The following ANKRD28 variants were observed in gnomAD, a reference collection of about 807,000 sequenced individuals.
The protein encoded by ANKRD28 is serine/threonine-protein phosphatase 6 regulatory ankyrin repeat subunit A.
A neutral mutation model predicts 126.5 loss-of-function variants in ANKRD28; 44 were observed. That is an observed-to-expected ratio of 0.35 (90% CI 0.27 to 0.45). The LOEUF (loss-of-function observed/expected upper bound fraction) is 0.45. ANKRD28 is among the 20% of genes least tolerant of loss of function. The pLI is 1.00. For synonymous variants in ANKRD28, 442 were observed against 468.5 expected, an observed-to-expected ratio of 0.94 and a Z score of 0.73; for missense variants, 1,110 against 1,316.6, an observed-to-expected ratio of 0.84 and a Z score of 2.43.
chr3:15,768,875 C>T (rs2058870239), intron 2 of ANKRD28, among the ~76,000 whole-genome samples: 1 of 152,048 alleles, frequency 6.6e-6, no homozygotes, highest in South Asian at 2.1e-4. Flanking sequence ...GTTTTTTATT[C>T]CAACATATAC....
chr3:15,785,994 T>C lies in ANKRD28; in HGVS notation c.201+9229A>G, dbSNP rs945456542. Among the ~76,000 whole-genome samples the C allele has an allele frequency of 6.6e-5, 10 of 151,764 alleles. 1 individual carries two copies. The highest frequency in any genetic ancestry group is 1.9e-4 in the African/African-American group (8 of 41,326). On this transcript the variant is annotated intron_variant, in intron 2 of 27. Transcript: ENST00000683139. ...TATGACATTTTGGAAAAGGCAAAAC[T>C]ATGGAGACAATGTAAAAAAAATTAC...
rs550115436 is a variant in ANKRD28 at position 15,755,242 on chromosome 3, C to CTA, written c.281-3424_281-3423dup. On this transcript the variant is annotated intron_variant, in intron 3 of 27. Transcript: ENST00000683139. ...AGGTCAACTATATGAGAAATCAGGGCTATATCTGAGGGCAACAATGAAACA... is the reference window on the plus strand; with the variant it reads ...AGGTCAACTATATGAGAAATCAGGGCTATATATCTGAGGGCAACAATGAAACA... 9.8e-4 allele frequency among the ~76,000 whole-genome samples: 149 copies of CTA among 152,276 alleles called. No homozygotes were observed. The Middle Eastern group carries it at 0.014, about 14-fold the overall frequency.
At chr3:15,795,171 G>A (rs150486496) in intron 2 of ANKRD28, 52 bp downstream of exon 2, 1 of 1,250,198 alleles carries the variant, frequency 8.0e-7, no homozygotes, top group Admixed American at 1.8e-5. Flanking sequence ...TTCTAGGAAA[G>A]AATTTTAAAA....
At chr3:15,783,288 GAA>G (rs369830593) in intron 2 of ANKRD28, among the ~76,000 whole-genome samples, 14 of 151,894 alleles carry the variant, frequency 9.2e-5, no homozygotes, top group African/African-American at 3.1e-4. Context: ...ACAAGATCAC[GAA>G]AAGATTACAG....
At chr3:15,774,651 A>C (rs1456271350) in intron 2 of ANKRD28, among the ~76,000 whole-genome samples, 1 of 152,176 alleles carries the variant, frequency 6.6e-6, no homozygotes, top group East Asian at 1.9e-4. Context: ...GAAACAAGAT[A>C]TCAAAAGCAT....
chr3:15,808,554 G>A (rs1245660510), intron 1 of ANKRD28, among the ~76,000 whole-genome samples: 1 of 152,014 alleles, frequency 6.6e-6, no homozygotes, highest in East Asian at 1.9e-4. Flanking sequence ...TACATCTCAG[G>A]CATCAAATCT....
chr3:15,796,695 T>G lies in ANKRD28; in HGVS notation c.-174A>C, dbSNP rs2060292788. On this transcript the variant is annotated 5_prime_UTR_variant, in exon 1 of 28. Transcript: ENST00000683139. Reference sequence around the variant, plus strand: ...TACTACTGGAAAAACAAGTTTAAAATTATGACTACATAATTTGTAACTTCC... The same window carrying G: ...TACTACTGGAAAAACAAGTTTAAAAGTATGACTACATAATTTGTAACTTCC... 4.1e-6 allele frequency: 4 copies of G among 979,582 alleles called. No individual in the cohort carries two copies. The African/African-American group carries it at 7.0e-5, about 17-fold the overall frequency. The allele number at this position is 979,582 out of a possible 1,614,324, so 60.7% of individuals were successfully genotyped here. A position where few individuals can be genotyped will look rare whatever the true frequency, so the allele number is the denominator to read the frequency against.
At chr3:15,855,919 C>T (rs2126007425) in intron 1 of ANKRD28, among the ~76,000 whole-genome samples, 1 of 152,242 alleles carries the variant, frequency 6.6e-6, no homozygotes, top group Non-Finnish European at 1.5e-5. Flanking sequence ...AGAGGGTGAA[C>T]TTTATGGTAT....
rs190233275 is a variant in ANKRD28, at chr3:15,714,033, T to C, written c.1076-392A>G. ...TGGATCATGAACCTATTTCAACTTT[T>C]CCCCTGCAAAACCATAGCACCTATT... On this transcript the variant is annotated intron_variant, in intron 9 of 27. Coordinates refer to ENST00000683139, the MANE Select transcript of ANKRD28 (RefSeq NM_001349278.2). Among the ~76,000 whole-genome samples, 192 of 152,314 alleles carry C rather than the reference T, an allele frequency of 1.3e-3. 3 individuals are homozygous for C. The highest frequency in any genetic ancestry group is 1.4e-3 in the Non-Finnish European group (95 of 68,024).
At chr3:15,859,458 C>T (rs1290771590) in exon 1 of ANKRD28, 3 of 1,473,114 alleles carry the variant, frequency 2.0e-6, no homozygotes, top group Admixed American at 4.2e-5. Context: ...CTGCCGCTGC[C>T]GCCGCCGACC....
chr3:15,690,133 G>C lies in ANKRD28; in HGVS notation c.1849C>G (p.Leu617Val). ...DVRNSSGRTP[L>V]DLAAFKGHVE... ...TGGCCCTTAAAAGCTGCAAGATCTA[G>C]GGGTGTTCTTCCACTACTATTTCTG... Residue 617 changes from leucine to valine, a missense_variant, in exon 18 of 28, where the codon CTA (leucine) becomes GTA (valine). Coordinates refer to ENST00000683139, the MANE Select transcript of ANKRD28 (RefSeq NM_001349278.2). 1 of 1,610,482 alleles carries C rather than the reference G, an allele frequency of 6.2e-7. No homozygotes were observed. Among genetic ancestry groups the C allele is most frequent in the Non-Finnish European group, 8.5e-7 (1 of 1,178,248 alleles).
intron 1 of ANKRD28, among the ~76,000 whole-genome samples, chr3:15,835,480 A>G (rs2061303008): frequency 6.6e-6 from 1 of 152,238 alleles, no homozygotes; most frequent in Admixed American, 6.5e-5. Flanking sequence ...TTCCTCTTAC[A>G]GCCTGTGGCT....
chr3:15,802,233 A>C (rs1209772211), upstream of ANKRD28, among the ~76,000 whole-genome samples: 1 of 152,200 alleles, frequency 6.6e-6, no homozygotes, highest in Non-Finnish European at 1.5e-5. Context: ...TGCTTCCTGG[A>C]ACAAAGATGA....
At chr3:15,774,588 C>G (rs1237052824) in intron 2 of ANKRD28, among the ~76,000 whole-genome samples, 1 of 152,090 alleles carries the variant, frequency 6.6e-6, no homozygotes, top group Non-Finnish European at 1.5e-5. Context: ...TAAAAGCACT[C>G]ATATATGAAT....
At chr3:15,798,024 T>A (rs2060355606), upstream of ANKRD28, 2 of 985,228 alleles carry the variant, frequency 2.0e-6, no homozygotes, top group Admixed American at 6.2e-5. Context: ...GAGAAAAAAA[T>A]AGTGCATTTG....
chr3:15,842,338 G>A (rs910612109), intron 1 of ANKRD28, among the ~76,000 whole-genome samples: 19 of 151,522 alleles, frequency 1.3e-4, no homozygotes, highest in African/African-American at 4.6e-4. Flanking sequence ...CTTATTTGTG[G>A]AAGCTAAAAA....
intron 2 of ANKRD28, among the ~76,000 whole-genome samples, chr3:15,769,694 C>A (rs369034130): frequency 6.6e-6 from 1 of 152,262 alleles, no homozygotes; most frequent in East Asian, 1.9e-4. Context: ...CACTAACAAG[C>A]CTACACAGTT....
chr3:15,725,727 G>C (rs868283865), intron 6 of ANKRD28, among the ~76,000 whole-genome samples: 3 of 152,052 alleles, frequency 2.0e-5, no homozygotes, highest in Admixed American at 1.3e-4. Context: ...TTGTTTTGGG[G>C]CATCACAAAC....
chr3:15,694,666 T>C (rs939668785), intron 17 of ANKRD28, 73 bp downstream of exon 17: 1 of 1,336,624 alleles, frequency 7.5e-7, no homozygotes, highest in Non-Finnish European at 1.1e-6. Context: ...CTAGTTTGAG[T>C]CAACACAAAT....
Sources: gnomAD v4.1 joint callset for allele counts (sites outside exome capture counted in the v4.1 genomes callset) on GRCh38, gnomAD v4.1.1 for gene constraint, MANE v1.5 for transcripts, NCBI Gene and HGNC (gene_info 2026-07-23, HGNC 2026-07-21) for gene names.